TXNRD3: variants seen among roughly 807,000 people sequenced by gnomAD.
TXNRD3 encodes the protein thioredoxin reductase 3.
TXNRD3 carries 68 observed loss-of-function variants against 78.2 expected under a neutral mutation model. The observed-to-expected ratio is 0.87, with a 90% CI of 0.72 to 1.06. The LOEUF is 1.06. Among genes scored for constraint, TXNRD3 ranks in the 50% least tolerant of loss-of-function variants. The probability of loss-of-function intolerance (pLI) is 0.00; values close to 1 mark genes in which losing one functional copy is unlikely to be tolerated. For missense variants in TXNRD3, 751 were observed against 809.5 expected, an observed-to-expected ratio of 0.93 and a Z score of 0.88; for synonymous variants, 296 against 300.1, an observed-to-expected ratio of 0.99 and a Z score of 0.14.
At chr3:126,616,213 A>T (rs1234904729) in intron 12 of TXNRD3, among the ~76,000 whole-genome samples, 1 of 152,212 alleles carries the variant, frequency 6.6e-6, no homozygotes, top group African/African-American at 2.4e-5. Flanking sequence ...TTGGTGGGTG[A>T]ACCATGAAAC....
At chr3:126,644,461 G>T in intron 3 of TXNRD3, 60 bp from the exon 4 acceptor site, 1 of 1,146,972 alleles carries the variant, frequency 8.7e-7, no homozygotes, top group Non-Finnish European at 1.2e-6. Flanking sequence ...AGCTATTTAT[G>T]TACACCCTAT....
intron 9 of TXNRD3, 116 bp downstream of exon 9, chr3:126,630,596 T>TG: frequency 1.8e-6 from 2 of 1,131,136 alleles, no homozygotes; most frequent in Non-Finnish European, 2.5e-6. Context: ...GACTTGGGAG[T>TG]GGAAACACTG....
At chr3:126,643,693 CCTCA>C (rs1559779078) in intron 5 of TXNRD3, among the ~76,000 whole-genome samples, 1 of 151,790 alleles carries the variant, frequency 6.6e-6, no homozygotes, top group African/African-American at 2.4e-5. Context: ...TTAACTATAT[CCTCA>C]CTAAGACTCA....
intron 14 of TXNRD3, among the ~76,000 whole-genome samples, chr3:126,609,848 T>A (rs559292725): frequency 6.6e-6 from 1 of 152,104 alleles, no homozygotes; most frequent in Non-Finnish European, 1.5e-5. Flanking sequence ...GGCTCTCCCA[T>A]CAAACCCCAA....
intron 4 of TXNRD3, 75 bp downstream of exon 4, chr3:126,644,217 GTTTTT>G: frequency 7.4e-7 from 1 of 1,355,252 alleles, no homozygotes; most frequent in Non-Finnish European, 1.0e-6. Context: ...ACATTAGTTT[GTTTTT>G]TTTTAAGTAG....
chr3:126,628,122 T>C (rs571633154), intron 10 of TXNRD3, among the ~76,000 whole-genome samples: 36 of 152,248 alleles, frequency 2.4e-4, no homozygotes, highest in African/African-American at 8.7e-4. Flanking sequence ...TAATTGAACA[T>C]ACATTCCTTC....
chr3:126,642,175 T>C, intron 5 of TXNRD3, 24 bp from the exon 6 acceptor site: 1 of 1,522,524 alleles, frequency 6.6e-7, no homozygotes, highest in Non-Finnish European at 8.8e-7. Context: ...TAAGTTTTAA[T>C]GCTTCTTTGT....
At chr3:126,613,603 G>A (rs1002106973) in intron 13 of TXNRD3, among the ~76,000 whole-genome samples, 4 of 152,204 alleles carry the variant, frequency 2.6e-5, no homozygotes, top group East Asian at 1.9e-4. Flanking sequence ...ATGATGGATA[G>A]CATATGTGAC....
At chr3:126,629,528 C>A (rs369314309) in intron 9 of TXNRD3, 57 bp from the exon 10 acceptor site, 3 of 1,333,700 alleles carry the variant, frequency 2.2e-6, no homozygotes, top group African/African-American at 2.9e-5. Context: ...AAGAAATACA[C>A]GAAAGGGTCT....
chr3:126,611,504 C>T (rs1194787020), intron 13 of TXNRD3, among the ~76,000 whole-genome samples: 1 of 152,174 alleles, frequency 6.6e-6, no homozygotes, highest in Non-Finnish European at 1.5e-5. Context: ...GATAACAAGG[C>T]TCACATTCCA....
At chr3:126,635,699 C>G (rs148992319) in intron 6 of TXNRD3, among the ~76,000 whole-genome samples, 2 of 152,306 alleles carry the variant, frequency 1.3e-5, no homozygotes, top group East Asian at 3.9e-4. Flanking sequence ...GAGACATCCT[C>G]TATAAAAGCA....
rs1168063948 is a variant in TXNRD3 at position 126,631,894 on chromosome 3, A to G, written c.856-15T>C. ...TTATTGGTTGCCTTGAAAAAAGAGA[A>G]GTAAACCTCACTTAGCAAACACTAC... On this transcript the variant is annotated splice_polypyrimidine_tract_variant and intron_variant, in intron 7 of 15. Transcript: ENST00000524230. 1.3e-6 allele frequency: 2 copies of G among 1,508,272 alleles called. No homozygotes were observed. Among genetic ancestry groups the G allele is most frequent in the African/African-American group, 2.8e-5 (2 of 72,484 alleles). 93.4% of individuals were successfully genotyped at this position (1,508,272 alleles called of 1,614,324 possible).
chr3:126,643,888 C>T, intron 5 of TXNRD3, 93 bp downstream of exon 5: 1 of 1,216,014 alleles, frequency 8.2e-7, no homozygotes, highest in Non-Finnish European at 1.1e-6. Context: ...GCGAGTTATA[C>T]CTCTTGAGAT....
Position 126,640,266 on chromosome 3 carries a change from G to A in TXNRD3, c.712+1766C>T, listed in dbSNP as rs1235356250. Among the ~76,000 whole-genome samples the A allele has an allele frequency of 6.4e-4, 29 of 45,428 alleles. 2 individuals carry two copies. Among genetic ancestry groups the A allele is most frequent in the Non-Finnish European group, 1.5e-3 (18 of 12,174 alleles). 29.8% of individuals were successfully genotyped at this position (45,428 alleles called of 152,430 possible). On this transcript the variant is annotated intron_variant, in intron 6 of 15. Transcript: ENST00000524230. ...ACTACAGGCGCCCGCCACTACGCCC[G>A]GCTAATTTTTTGTATTTTTTTTAGT...
At chr3:126,650,630 G>A (rs150354877) in intron 1 of TXNRD3, among the ~76,000 whole-genome samples, 237 of 150,742 alleles carry the variant, frequency 1.6e-3, no homozygotes, top group African/African-American at 5.7e-3. Context: ...AACAGAGCAA[G>A]ACCCCATCTC....
Position 126,654,767 on chromosome 3 carries a change from T to G in TXNRD3, c.224A>C (p.Tyr75Ser). Reference sequence around the variant, plus strand: ...GCCTACCCGAGTACTATGGGGACAGTAGCTCTTGCTGAAGATCACCACCCG... The same window carrying G: ...GCCTACCCGAGTACTATGGGGACAGGAGCTCTTGCTGAAGATCACCACCCG... Residue 75 changes from tyrosine to serine, a missense_variant, in exon 1 of 16, where the codon TAC becomes TCC. By Grantham distance (144) the Tyr-to-Ser change is moderately radical. Transcript: ENST00000524230. 1 of 1,417,958 alleles carries G rather than the reference T, an allele frequency of 7.1e-7. No homozygotes were observed. Among genetic ancestry groups the G allele is most frequent in the Non-Finnish European group, 9.2e-7 (1 of 1,085,878 alleles). 87.8% of individuals were successfully genotyped at this position (1,417,958 alleles called of 1,614,324 possible).
intron 14 of TXNRD3, 47 bp from the exon 15 acceptor site, chr3:126,608,680 C>A: frequency 6.6e-7 from 1 of 1,513,858 alleles, no homozygotes; most frequent in Admixed American, 2.1e-5. Context: ...GGTTAATGGT[C>A]TGAATATGGA....
chr3:126,610,963 T>A, intron 14 of TXNRD3, 74 bp downstream of exon 14: 1 of 1,004,450 alleles, frequency 1.0e-6, no homozygotes, highest in Non-Finnish European at 1.4e-6. Context: ...AAAAAAATTA[T>A]AGAAATCCAA....
At chr3:126,613,862 A>G (rs892244914) in intron 13 of TXNRD3, among the ~76,000 whole-genome samples, 3 of 152,230 alleles carry the variant, frequency 2.0e-5, no homozygotes, top group African/African-American at 7.2e-5. Flanking sequence ...ACATTCTACT[A>G]TTATTTTAGA....
Sources: gnomAD v4.1 joint callset for allele counts (sites outside exome capture counted in the v4.1 genomes callset) on GRCh38, gnomAD v4.1.1 for gene constraint, MANE v1.5 for transcripts, NCBI Gene and HGNC (gene_info 2026-07-23, HGNC 2026-07-21) for gene names.